The following PLEKHG4 variants were observed in gnomAD, a reference collection of about 807,000 sequenced individuals.
PLEKHG4 encodes pleckstrin homology and RhoGEF domain containing G4.
PLEKHG4 carries 85 observed loss-of-function variants against 136.9 expected under a neutral mutation model. The observed-to-expected ratio is 0.62, with a 90% CI of 0.52 to 0.74. The LOEUF is 0.74. PLEKHG4 is among the 30% of genes least tolerant of loss of function. PLEKHG4 has a pLI of 0.00. For synonymous variants in PLEKHG4, 577 were observed against 646.9 expected (o/e 0.89, Z 1.64); for missense variants, 1,317 against 1,527.8 (o/e 0.86, Z 2.30).
At chr16:67,287,284 C>G in intron 18 of PLEKHG4, 107 bp downstream of exon 18, 1 of 1,115,362 alleles carries the variant, frequency 9.0e-7, no homozygotes, top group Admixed American at 1.8e-5. Context: ...GGGAGAAGGC[C>G]CAGCGACAGC....
Position 67,289,264 on chromosome 16 carries a change from G to T in PLEKHG4, c.*456G>T. The stretch of plus-strand genomic sequence containing the variant: ...ATAGGGACAGGTCCACCTCTACTGG[G>T]CCCTCATGCTTGCCTTTCCTGGCCC... On this transcript the variant is annotated 3_prime_UTR_variant, in exon 22 of 22. Transcript: ENST00000379344. 1 of 419,060 alleles carries T rather than the reference G, an allele frequency of 2.4e-6. No individual in the cohort carries two copies. The highest frequency in any genetic ancestry group is 4.3e-6 in the Non-Finnish European group (1 of 232,906). 26.0% of individuals were successfully genotyped at this position (419,060 alleles called of 1,614,324 possible).
chr16:67,288,233 C>G lies in PLEKHG4; in HGVS notation c.3287C>G (p.Ser1096Trp), dbSNP rs776468241. 6.2e-7 allele frequency: 1 copy of G among 1,613,984 alleles called. No individual in the cohort carries two copies. The highest frequency in any genetic ancestry group is 8.5e-7 in the Non-Finnish European group (1 of 1,180,008). The change falls in exon 20 of 22, where the codon TCG becomes TGG. Residue 1096 changes from serine (S) to tryptophan (W), a missense_variant. Physicochemically the swap from Ser to Trp is radical, Grantham distance 177 (BLOSUM62 -3). Transcript: ENST00000379344. ...CATGACAGCCTCTACCTGGGGGCCT[C>G]GAACTCCCTTCCTGGAGACCCTGCC... ...FDHDSLYLGA[S>W]NSLPGDPASC...
At chr16:67,279,714 C>G (rs1329968712) in intron 1 of PLEKHG4, 88 bp downstream of exon 1, 2 of 261,286 alleles carry the variant, frequency 7.7e-6, no homozygotes, top group African/African-American at 4.5e-5. Flanking sequence ...AGAGCGAACC[C>G]GAGGCATCGT....
rs749308672 is a variant in PLEKHG4, at chr16:67,288,158, CTT to C, written c.3221-8_3221-7del. 7 of 1,612,590 alleles carry C rather than the reference CTT, an allele frequency of 4.3e-6. No individual in the cohort carries two copies. In the Admixed American group the frequency reaches 1.2e-4, roughly 27 times the overall value. On this transcript the variant is annotated splice_region_variant and splice_polypyrimidine_tract_variant and intron_variant, in intron 19 of 21. Coordinates refer to ENST00000379344, the MANE Select transcript of PLEKHG4 (RefSeq NM_001129729.3). ...GGCCTGTCCCAACCTGACCCTCTCTCTTATGCAGAAGTTCGCTCTCGGGCGTC... is the reference window on the plus strand; with the variant it reads ...GGCCTGTCCCAACCTGACCCTCTCTCATGCAGAAGTTCGCTCTCGGGCGTC...
Position 67,287,032 on chromosome 16 carries a change from G to C in PLEKHG4, c.2958G>C (p.Gly986=), listed in dbSNP as rs772789127. 2.5e-6 allele frequency: 4 copies of C among 1,613,388 alleles called. No individual in the cohort carries two copies. In the South Asian group the frequency reaches 4.4e-5, roughly 18 times the overall value. ...MADLGLTECC[G]NSNLRFEIWF... ...ACCTTGGTCTCACTGAGTGCTGTGG[G>C]AACAGCAACCTGCGCTTCGAGATCT... Residue 986 remains glycine, a synonymous_variant, in exon 18 of 22, where the codon GGG becomes GGC. Coordinates refer to ENST00000379344, the MANE Select transcript of PLEKHG4 (RefSeq NM_001129729.3).
rs755735719 is a variant in PLEKHG4 at position 67,288,016 on chromosome 16, TAGC to T, written c.3220+5_3220+7del. 1.9e-6 allele frequency: 3 copies of T among 1,603,914 alleles called. No homozygotes were observed. Among genetic ancestry groups the T allele is most frequent in the Admixed American group, 3.3e-5 (2 of 59,952 alleles). On this transcript the variant is annotated splice_donor_5th_base_variant and intron_variant, in intron 19 of 21. Transcript: ENST00000379344. Reference sequence around the variant, plus strand: ...TCAACTATGTCCTGAAGTGCCGAGGTAGCAGGCAGGCTACAGGGTGTGGGGGTG... The same window carrying T: ...TCAACTATGTCCTGAAGTGCCGAGGTAGGCAGGCTACAGGGTGTGGGGGTG...
Position 67,285,009 on chromosome 16 carries a change from C to T in PLEKHG4, c.1989C>T (p.Val663=), listed in dbSNP as rs746381712. Residue 663 remains valine (V), a synonymous_variant, in exon 13 of 22, where the codon GTC becomes GTT. Transcript: ENST00000379344. The part of the protein sequence containing the change: ...GSTASLCVSQ[V]PAAPAHPPLR... The stretch of plus-strand genomic sequence containing the variant: ...CAGCTAGCCTGTGTGTCAGCCAGGT[C>T]CCCGCTGCACCTGCCCACCCTCCCC... 2.5e-6 allele frequency: 4 copies of T among 1,613,352 alleles called. No individual in the cohort carries two copies. The highest frequency in any genetic ancestry group is 3.4e-6 in the Non-Finnish European group (4 of 1,179,870).
chr16:67,280,525 T>C lies in PLEKHG4; in HGVS notation c.481T>C (p.Ser161Pro), dbSNP rs1362616887. The C allele has an allele frequency of 1.9e-6, 3 of 1,612,530 alleles. No individual in the cohort carries two copies. The highest frequency in any genetic ancestry group is 2.5e-6 in the Non-Finnish European group (3 of 1,179,578). Residue 161 changes from serine (S) to proline (P), a missense_variant, in exon 2 of 22, where the codon TCA (serine) becomes CCA (proline). Physicochemically the swap from Ser to Pro is moderately conservative, Grantham distance 74. Coordinates refer to ENST00000379344, the MANE Select transcript of PLEKHG4 (RefSeq NM_001129729.3). The surrounding 1 kb of genome is among the most constrained non-coding windows in gnomAD (Gnocchi z 4.4). ...CCTTGGAGACCCTTTATCAGAAATA[T>C]CAAAGCTGCTGGAGGCAGGTAAGGA... ...VGLGDPLSEI[S>P]KLLEAAPSGS...
At chr16:67,282,984 C>A (rs1014466912) in intron 11 of PLEKHG4, 126 bp downstream of exon 11, 12 of 749,998 alleles carry the variant, frequency 1.6e-5, no homozygotes, top group Non-Finnish European at 2.3e-5. Flanking sequence ...TAGAAGATAT[C>A]AGTTGTAATT....
chr16:67,284,069 C>T lies in PLEKHG4; in HGVS notation c.1510-206C>T, dbSNP rs1034214366. Among the ~76,000 whole-genome samples the T allele has an allele frequency of 2.6e-5, 4 of 151,940 alleles. No homozygotes were observed. Among genetic ancestry groups the T allele is most frequent in the African/African-American group, 7.3e-5 (3 of 41,340 alleles). On this transcript the variant is annotated intron_variant, in intron 11 of 21. Transcript: ENST00000379344. The surrounding 1 kb of genome is among the most constrained non-coding windows in gnomAD (Gnocchi z 4.4). The stretch of plus-strand genomic sequence containing the variant: ...GAGAGGGCTGGTGCGGAGGGCGAGA[C>T]GAGACGGTGAGGACAGATGATTCCT...
chr16:67,281,924 CA>C, intron 7 of PLEKHG4, 84 bp from the exon 8 acceptor site: 1 of 1,544,902 alleles, frequency 6.5e-7, no homozygotes, highest in Non-Finnish European at 8.9e-7. Flanking sequence ...TTGAACCAGA[CA>C]AAGCTGGCTG....
chr16:67,283,522 G>A (rs1377132153), intron 11 of PLEKHG4, among the ~76,000 whole-genome samples: 5 of 152,174 alleles, frequency 3.3e-5, no homozygotes, highest in Admixed American at 1.3e-4. Context: ...TGCCTCCTCT[G>A]GCCAGGATAG....
upstream of PLEKHG4, chr16:67,279,490 C>A (rs2036107816): frequency 6.6e-6 from 1 of 151,890 alleles, no homozygotes; most frequent in Non-Finnish European, 1.5e-5. Context: ...GGCGCCCCGG[C>A]GGCACTGCCC....
intron 11 of PLEKHG4, 58 bp downstream of exon 11, chr16:67,282,916 A>C: frequency 8.4e-7 from 1 of 1,193,022 alleles, no homozygotes; most frequent in Non-Finnish European, 1.3e-6. Flanking sequence ...AGGAACTAGG[A>C]ATGCAGAACT....
At position 67,282,093 on chromosome 16, in the gene PLEKHG4, C is replaced by T. The variant is rs572268871; in HGVS notation, c.1090C>T (p.Pro364Ser). The change falls in exon 8 of 22, where the codon CCC (proline) becomes TCC (serine). Residue 364 changes from proline to serine, a missense_variant. By Grantham distance (74) the Pro-to-Ser change is moderately conservative (BLOSUM62 -1). Transcript: ENST00000379344. ...AIESVKAVPQ[P>S]MEPGEVGQLL... ...CGAAAGTGTGAAGGCTGTGCCCCAGCCCATGGAGCCTGGGGTGAGTGTCCC... is the reference window on the plus strand; with the variant it reads ...CGAAAGTGTGAAGGCTGTGCCCCAGTCCATGGAGCCTGGGGTGAGTGTCCC... The T allele has an allele frequency of 2.5e-6, 4 of 1,613,074 alleles. No individual in the cohort carries two copies. The highest frequency in any genetic ancestry group is 1.7e-5 in the Admixed American group (1 of 60,008).
In PLEKHG4 at chr16:67,285,138, G is replaced by A; in HGVS notation, c.2118G>A (p.Glu706=). ...CTATTGCTGCCTGCCGCAGACCAGAGGCTGGAGGAGGTGCCCTGCCCCAGG... is the reference window on the plus strand; with the variant it reads ...CTATTGCTGCCTGCCGCAGACCAGAAGCTGGAGGAGGTGCCCTGCCCCAGG... ...AATIAACRRP[E]AGGGALPQAS... The change falls in exon 13 of 22, where the codon GAG becomes GAA. Residue 706 remains glutamate, a synonymous_variant. Transcript: ENST00000379344. The A allele has an allele frequency of 6.2e-7, 1 of 1,613,470 alleles. No homozygotes were observed. The highest frequency in any genetic ancestry group is 8.5e-7 in the Non-Finnish European group (1 of 1,180,024).
chr16:67,288,800 C>T lies in PLEKHG4; in HGVS notation c.3571-3C>T, dbSNP rs750205295. 14 of 1,613,642 alleles carry T rather than the reference C, an allele frequency of 8.7e-6. No individual in the cohort carries two copies. The highest frequency in any genetic ancestry group is 6.7e-5 in the African/African-American group (5 of 74,940). On this transcript the variant is annotated splice_polypyrimidine_tract_variant and splice_region_variant and intron_variant, in intron 21 of 21. Coordinates refer to ENST00000379344, the MANE Select transcript of PLEKHG4 (RefSeq NM_001129729.3). The stretch of plus-strand genomic sequence containing the variant: ...GGCATTCATGCCTGGCCTGGCCCTG[C>T]AGGTCTGAGCCCGGGACTGGACGAG...
chr16:67,281,078 C>G lies in PLEKHG4; in HGVS notation c.720-13C>G, dbSNP rs1269887214. On this transcript the variant is annotated splice_polypyrimidine_tract_variant and intron_variant, in intron 4 of 21. Coordinates refer to ENST00000379344, the MANE Select transcript of PLEKHG4 (RefSeq NM_001129729.3). ...CTGGGAGTCAGGTACTGAACTGAAG[C>G]TCACCCCTTTAGGCCCGAAGTACAG... The G allele has an allele frequency of 6.2e-7, 1 of 1,613,818 alleles. No individual in the cohort carries two copies. The highest frequency in any genetic ancestry group is 8.5e-7 in the Non-Finnish European group (1 of 1,179,740).
rs1283501420 is a variant in PLEKHG4 at position 67,282,259 on chromosome 16, CATGG to C, written c.1164_1167del (p.Leu390HisfsTer11). 14 of 1,613,310 alleles carry C rather than the reference CATGG, an allele frequency of 8.7e-6. No homozygotes were observed. Among genetic ancestry groups the C allele is most frequent in the Non-Finnish European group, 1.1e-5 (13 of 1,180,038 alleles). Reference sequence around the variant, plus strand: ...CTGATGCAGCAGGTGCTAGACTCGCCATGGCTGGCATGGCTACAATGCCAGGGGG... The same window carrying C: ...CTGATGCAGCAGGTGCTAGACTCGCCCTGGCATGGCTACAATGCCAGGGGG... On this transcript the variant is annotated frameshift_variant, in exon 9 of 22. Coordinates refer to ENST00000379344, the MANE Select transcript of PLEKHG4 (RefSeq NM_001129729.3). LOFTEE classifies it high-confidence loss of function.
Sources: gnomAD v4.1 joint callset for allele counts (sites outside exome capture counted in the v4.1 genomes callset) on GRCh38, gnomAD v4.1.1 for gene constraint, Gnocchi (gnomAD v3.1) non-coding constraint, MANE v1.5 for transcripts, NCBI Gene and HGNC (gene_info 2026-07-23, HGNC 2026-07-21) for gene names.